Variants in ESCO2 observed in about 807,000 individuals in gnomAD.
The protein encoded by ESCO2 is establishment of sister chromatid cohesion N-acetyltransferase 2.
Under a neutral mutation model 61.7 loss-of-function variants are expected in ESCO2, and 51 were observed. The observed-to-expected ratio is 0.83, with a 90% confidence interval of 0.66 to 1.04. The LOEUF (loss-of-function observed/expected upper bound fraction) is 1.04. ESCO2 is among the 50% of genes least tolerant of loss of function. The probability of loss-of-function intolerance (pLI) is 0.00; values close to 1 mark genes in which losing one functional copy is unlikely to be tolerated. For synonymous variants in ESCO2, 230 were observed against 238.2 expected (o/e 0.97, Z 0.32); for missense variants, 692 against 686.2 (o/e 1.01, Z -0.09).
At chr8:27,810,045 A>G (rs1405457678), downstream of ESCO2, 2 of 414,624 alleles carry the variant, frequency 4.8e-6, no homozygotes, top group African/African-American at 4.2e-5. Flanking sequence ...TTTTACTGCT[A>G]GTGTTTTAAG....
chr8:27,792,163 A>G, intron 8 of ESCO2, 111 bp downstream of exon 8: 2 of 977,580 alleles, frequency 2.0e-6, no homozygotes, highest in Non-Finnish European at 3.2e-6. Flanking sequence ...GTACCTGCTT[A>G]ATGATTACTT....
intron 10 of ESCO2, among the ~76,000 whole-genome samples, chr8:27,801,969 A>ATTTT (rs34539100): frequency 0.018 from 1,469 of 83,794 alleles, 157 homozygotes; most frequent in South Asian, 0.029. Flanking sequence ...CCTTCATGGC[A>ATTTT]TTTTTTTTTT....
rs1585400999 is a variant in ESCO2 at position 27,788,992 on chromosome 8, T to C, written c.1263+14T>C. The C allele has an allele frequency of 6.2e-7, 1 of 1,613,926 alleles. No individual in the cohort carries two copies. The highest frequency in any genetic ancestry group is 8.5e-7 in the Non-Finnish European group (1 of 1,179,904). On this transcript the variant is annotated intron_variant, in intron 7 of 10. Coordinates refer to ENST00000305188, the MANE Select transcript of ESCO2 (RefSeq NM_001017420.3). ...ATCAAATATGTGGTGAGCCAAAACA[T>C]AGTCTTTCAGTTTGTTCTAGAAGTA...
chr8:27,815,631 C>T (rs1019794236), downstream of ESCO2, among the ~76,000 whole-genome samples: 3 of 152,190 alleles, frequency 2.0e-5, no homozygotes, highest in Non-Finnish European at 4.4e-5. Context: ...TGTACACATA[C>T]ATTCTAAGTA....
intron 2 of ESCO2, 117 bp from the exon 3 acceptor site, chr8:27,776,245 A>AT: frequency 1.3e-6 from 1 of 754,532 alleles, no homozygotes; most frequent in Non-Finnish European, 2.2e-6. Context: ...AATTGTGTGT[A>AT]TGGGGGGTAC....
chr8:27,800,875 A>C (rs1805408053), intron 10 of ESCO2, among the ~76,000 whole-genome samples: 1 of 152,194 alleles, frequency 6.6e-6, no homozygotes, highest in Admixed American at 6.5e-5. Flanking sequence ...TATTTACATA[A>C]AATGTCCATA....
downstream of ESCO2, among the ~76,000 whole-genome samples, chr8:27,811,700 T>C (rs1356418073): frequency 6.6e-6 from 1 of 152,160 alleles, no homozygotes; most frequent in East Asian, 1.9e-4. Context: ...AAAATTCTCA[T>C]TAGGATTGGA....
At chr8:27,773,182 A>G (rs75855060), upstream of ESCO2, among the ~76,000 whole-genome samples, 1,404 of 152,216 alleles carry the variant, frequency 9.2e-3, 25 homozygotes, top group African/African-American at 0.032. Flanking sequence ...AGACCCCATC[A>G]TGTTCTACCA....
downstream of ESCO2, chr8:27,811,431 T>C (rs1805680110): frequency 4.0e-6 from 2 of 499,454 alleles, no homozygotes; most frequent in South Asian, 2.2e-5. Flanking sequence ...ACTGCCTTGC[T>C]TGGGTTGGTT....
Position 27,804,062 on chromosome 8 carries a change from G to GAT in ESCO2, c.*626_*627dup. ...ACTTCTCTATACAGAGTCTTCACTT[G>GAT]ATAGGCACTCGTCTGTAGTAACTCA... On this transcript the variant is annotated 3_prime_UTR_variant, in exon 11 of 11. Coordinates refer to ENST00000305188, the MANE Select transcript of ESCO2 (RefSeq NM_001017420.3). The GAT allele has an allele frequency of 1.0e-6, 1 of 985,482 alleles. No homozygotes were observed. The highest frequency in any genetic ancestry group is 1.2e-6 in the Non-Finnish European group (1 of 830,052). 61.0% of individuals were successfully genotyped at this position (985,482 alleles called of 1,614,324 possible). A position where few individuals can be genotyped will look rare whatever the true frequency, so the allele number is the denominator to read the frequency against.
rs371012044 is a variant in ESCO2 at position 27,787,556 on chromosome 8, A to G, written c.1014-329A>G. 1.6e-4 allele frequency among the ~76,000 whole-genome samples: 24 copies of G among 152,314 alleles called. No homozygotes were observed. The East Asian group carries it at 4.2e-3, about 27-fold the overall frequency. The stretch of plus-strand genomic sequence containing the variant: ...TGTCCTAAGATTTGATAAAGCAAAA[A>G]AATCTTTTTTTAAAGGGCAAAGTCA... On this transcript the variant is annotated intron_variant, in intron 5 of 10. Transcript: ENST00000305188.
chr8:27,785,513 C>A (rs1048108967), intron 5 of ESCO2, among the ~76,000 whole-genome samples: 8 of 151,972 alleles, frequency 5.3e-5, no homozygotes, highest in African/African-American at 1.9e-4. Context: ...ACTAGCCTGG[C>A]CAACATGGGG....
chr8:27,788,973 T>A lies in ESCO2; in HGVS notation c.1258T>A (p.Tyr420Asn). 2 of 1,614,038 alleles carry A rather than the reference T, an allele frequency of 1.2e-6. No homozygotes were observed. The highest frequency in any genetic ancestry group is 1.7e-6 in the Non-Finnish European group (2 of 1,179,972). Residue 420 changes from tyrosine to asparagine, a missense_variant, in exon 7 of 11, where the codon TAT (tyrosine) becomes AAT (asparagine). Physicochemically the swap from Tyr to Asn is moderately radical, Grantham distance 143 (BLOSUM62 -2). Coordinates refer to ENST00000305188, the MANE Select transcript of ESCO2 (RefSeq NM_001017420.3). ...CCACAGGTTTCTGGAAGGAATCAAATATGTGGTGAGCCAAAACATAGTCTT... is the reference window on the plus strand; with the variant it reads ...CCACAGGTTTCTGGAAGGAATCAAAAATGTGGTGAGCCAAAACATAGTCTT... Reference protein sequence around the residue: ...HHHRFLEGIKYVGWKKERVVA... With the variant: ...HHHRFLEGIKNVGWKKERVVA...
intron 4 of ESCO2, among the ~76,000 whole-genome samples, chr8:27,781,007 C>T (rs1337106556): frequency 6.6e-6 from 1 of 151,976 alleles, no homozygotes; most frequent in African/African-American, 2.4e-5. Context: ...AAAAAGGCAT[C>T]TACTTAAAAT....
downstream of ESCO2, among the ~76,000 whole-genome samples, chr8:27,813,784 T>A (rs933901210): frequency 8.5e-5 from 13 of 152,208 alleles, no homozygotes; most frequent in Admixed American, 6.5e-4. Context: ...TTACAACTTT[T>A]CCTTCCTGGA....
intron 5 of ESCO2, among the ~76,000 whole-genome samples, chr8:27,785,906 C>G (rs565012616): frequency 4.6e-5 from 7 of 152,202 alleles, no homozygotes; most frequent in Non-Finnish European, 8.8e-5. Flanking sequence ...TGCTATTGAA[C>G]TATACTGAGT....
In ESCO2 at chr8:27,792,660, A is replaced by C; in HGVS notation, c.1354-8A>C. 6.2e-7 allele frequency: 1 copy of C among 1,611,714 alleles called. No homozygotes were observed. The stretch of plus-strand genomic sequence containing the variant: ...ACATTCACCTGTCTTGGTTTTTAAA[A>C]TCATTAGGTAGAAGATGTCCAAGAA... On this transcript the variant is annotated splice_region_variant and splice_polypyrimidine_tract_variant and intron_variant, in intron 8 of 10. Transcript: ENST00000305188.
At chr8:27,790,143 C>A (rs1004994082) in intron 7 of ESCO2, among the ~76,000 whole-genome samples, 1 of 152,206 alleles carries the variant, frequency 6.6e-6, no homozygotes, top group African/African-American at 2.4e-5. Flanking sequence ...TGACACATTC[C>A]CTCTCCAGCT....
At chr8:27,793,775 G>A (rs556394536) in intron 9 of ESCO2, among the ~76,000 whole-genome samples, 43 of 152,150 alleles carry the variant, frequency 2.8e-4, no homozygotes, top group Middle Eastern at 3.4e-3. Context: ...ATGAGCCACC[G>A]CACCCGGCCT....
Sources: allele counts gnomAD v4.1 joint callset (sites outside exome capture counted in the v4.1 genomes callset), GRCh38; gene constraint gnomAD v4.1.1; transcripts MANE v1.5; gene names NCBI Gene and HGNC (gene_info 2026-07-23, HGNC 2026-07-21).